The following TENM2 variants were observed in gnomAD, a reference collection of about 807,000 sequenced individuals.
TENM2 encodes the protein teneurin-2.
Under a neutral mutation model 245.2 loss-of-function variants are expected in TENM2, and 52 were observed. The ratio of observed to expected loss-of-function variants is 0.21; its 90% CI spans 0.17 to 0.27. The LOEUF (loss-of-function observed/expected upper bound fraction) is 0.27, where lower values mean the gene tolerates loss of function less well. Ranked by LOEUF, TENM2 falls within the 10% of genes least tolerant of loss-of-function variation. The probability of loss-of-function intolerance (pLI) is 1.00; values close to 1 mark genes in which losing one functional copy is unlikely to be tolerated. For synonymous variants in TENM2, 1,363 were observed against 1,438.9 expected (o/e 0.95, Z 1.19); for missense variants, 3,046 against 3,666.8 (o/e 0.83, Z 4.37).
At chr5:167,297,532 A>G (rs1343244219) in intron 1 of TENM2, 1 of 152,234 alleles carries the variant, frequency 6.6e-6, no homozygotes, top group African/African-American at 2.4e-5. Flanking sequence ...TCAAAGCAGT[A>G]ATGATGAATC....
At chr5:167,659,887 C>G (rs374258895) in intron 2 of TENM2, among the ~76,000 whole-genome samples, 1 of 152,118 alleles carries the variant, frequency 6.6e-6, no homozygotes, top group African/African-American at 2.4e-5. Context: ...ACCTCTTCCT[C>G]TCAAATTAGT....
Position 168,190,564 on chromosome 5 carries a change from C to T in TENM2, c.2780+17C>T, listed in dbSNP as rs1296595897. 4 of 1,595,544 alleles carry T rather than the reference C, an allele frequency of 2.5e-6. No individual in the cohort carries two copies. Among genetic ancestry groups the T allele is most frequent in the Admixed American group, 3.4e-5 (2 of 59,596 alleles). ...CAACAGCAGGTAGGCACCCTCTGTC[C>T]CTGCAAACTCCTGAAGTCTCTGATT... is the stretch of plus-strand genomic sequence containing the variant. On this transcript the variant is annotated intron_variant, in intron 14 of 28. Transcript: ENST00000518659.
At chr5:167,266,851 G>T in the TENM2 span, among the ~76,000 whole-genome samples, 9 of 152,336 alleles carry the variant, frequency 5.9e-5, no homozygotes, top group African/African-American at 1.7e-4. Flanking sequence ...CATGAAATGT[G>T]AATGTGCCAT....
chr5:167,338,660 G>A (rs1039957985), intron 1 of TENM2, among the ~76,000 whole-genome samples: 6 of 152,166 alleles, frequency 3.9e-5, no homozygotes, highest in African/African-American at 1.4e-4. Context: ...ATTATATGGG[G>A]ACCACACTAC....
chr5:167,693,296 G>T (rs1757552112), intron 2 of TENM2, among the ~76,000 whole-genome samples: 1 of 152,096 alleles, frequency 6.6e-6, no homozygotes, highest in South Asian at 2.1e-4. Context: ...AAAAGTGTTT[G>T]GTTGGTCATG....
chr5:167,930,047 A>G (rs1778159185), intron 3 of TENM2, among the ~76,000 whole-genome samples: 1 of 152,198 alleles, frequency 6.6e-6, no homozygotes, highest in Admixed American at 6.5e-5. Flanking sequence ...AGCGGAACCC[A>G]TATTAATGGT....
intron 25 of TENM2, among the ~76,000 whole-genome samples, chr5:168,243,480 G>A (rs765687335): frequency 4.6e-5 from 7 of 152,182 alleles, no homozygotes; most frequent in African/African-American, 9.7e-5. Flanking sequence ...AAGGAAAGAA[G>A]TTCACATAGG....
chr5:168,147,875 C>T (rs1312959280), intron 12 of TENM2, among the ~76,000 whole-genome samples: 1 of 152,184 alleles, frequency 6.6e-6, no homozygotes, highest in Non-Finnish European at 1.5e-5. Flanking sequence ...AAGGTACGTT[C>T]AGCAGAACCG....
At chr5:167,220,472 A>T in the TENM2 span, among the ~76,000 whole-genome samples, 1 of 152,198 alleles carries the variant, frequency 6.6e-6, no homozygotes, top group Non-Finnish European at 1.5e-5. Flanking sequence ...GACATAGCTC[A>T]TTTTATTTTA....
At chr5:167,890,539 A>C (rs981630608) in intron 3 of TENM2, among the ~76,000 whole-genome samples, 1 of 152,190 alleles carries the variant, frequency 6.6e-6, no homozygotes, top group Non-Finnish European at 1.5e-5. Context: ...TGCTTTATTT[A>C]GGTGACAATG....
At chr5:167,973,058 C>G (rs1781913954) in intron 4 of TENM2, among the ~76,000 whole-genome samples, 1 of 152,212 alleles carries the variant, frequency 6.6e-6, no homozygotes, top group African/African-American at 2.4e-5. Flanking sequence ...TCCTCATCCA[C>G]CTTGCCTCTA....
At chr5:167,044,555 T>C in the TENM2 span, among the ~76,000 whole-genome samples, 5 of 152,046 alleles carry the variant, frequency 3.3e-5, no homozygotes, top group Non-Finnish European at 7.4e-5. Context: ...CCATGAGAGA[T>C]TGTGGCCATC....
At chr5:168,099,154 C>T (rs1793606091) in intron 9 of TENM2, among the ~76,000 whole-genome samples, 1 of 152,112 alleles carries the variant, frequency 6.6e-6, no homozygotes, top group East Asian at 1.9e-4. Flanking sequence ...AAGTCATCCG[C>T]CCACCTTATC....
At chr5:167,530,581 A>T (rs888149810) in intron 2 of TENM2, among the ~76,000 whole-genome samples, 1 of 152,132 alleles carries the variant, frequency 6.6e-6, no homozygotes, top group African/African-American at 2.4e-5. Context: ...CATTACATCG[A>T]TCCCCTGCTG....
the TENM2 span, among the ~76,000 whole-genome samples, chr5:167,046,875 G>T: frequency 6.6e-6 from 1 of 151,500 alleles, no homozygotes; most frequent in Non-Finnish European, 1.5e-5. Context: ...CCCCCGACAG[G>T]CCCTGGTGTG....
the TENM2 span, among the ~76,000 whole-genome samples, chr5:167,194,548 C>CTTTATGAA: frequency 2.0e-5 from 3 of 151,950 alleles, no homozygotes; most frequent in Admixed American, 6.6e-5. Context: ...TCATGTGAGG[C>CTTTATGAA]ACCTGTGACT....
intron 12 of TENM2, among the ~76,000 whole-genome samples, chr5:168,134,679 C>T (rs1296417978): frequency 2.6e-5 from 4 of 152,174 alleles, no homozygotes; most frequent in Non-Finnish European, 1.5e-5. Context: ...AAGAGTGAAA[C>T]TCTGTCTCAA....
At chr5:167,491,609 G>T (rs1237579959) in intron 2 of TENM2, among the ~76,000 whole-genome samples, 1 of 152,126 alleles carries the variant, frequency 6.6e-6, no homozygotes, top group Non-Finnish European at 1.5e-5. Context: ...GTTACCCAAT[G>T]AACTATTGCT....
At chr5:167,340,315 G>A (rs1758021000) in intron 1 of TENM2, among the ~76,000 whole-genome samples, 1 of 152,040 alleles carries the variant, frequency 6.6e-6, no homozygotes, top group South Asian at 2.1e-4. Flanking sequence ...TCTACTTCTT[G>A]GTAATAAAAT....
Sources: allele counts gnomAD v4.1 joint callset (sites outside exome capture counted in the v4.1 genomes callset), GRCh38; gene constraint gnomAD v4.1.1; transcripts MANE v1.5; gene names NCBI Gene and HGNC (gene_info 2026-07-23, HGNC 2026-07-21).